The following RNF168 variants were observed in gnomAD, a reference collection of about 807,000 sequenced individuals.
RNF168 encodes E3 ubiquitin-protein ligase RNF168.
A neutral mutation model predicts 34.9 loss-of-function variants in RNF168; 34 were observed. The ratio of observed to expected loss-of-function variants is 0.97; its 90% confidence interval spans 0.74 to 1.30. The LOEUF (loss-of-function observed/expected upper bound fraction) is 1.30. Ranked by LOEUF, RNF168 falls within the 50% of genes most tolerant of loss-of-function variation. The pLI is 0.00. For missense variants in RNF168, 725 were observed against 682.5 expected (o/e 1.06, Z -0.69); for synonymous variants, 264 against 254.7 (o/e 1.04, Z -0.35).
At chr3:196,473,837 C>CA (rs11329031) in intron 5 of RNF168, among the ~76,000 whole-genome samples, 8 of 150,956 alleles carry the variant, frequency 5.3e-5, no homozygotes, top group Admixed American at 2.0e-4. Flanking sequence ...AACAAACAAG[C>CA]AAAAAAAAAA....
intron 4 of RNF168, among the ~76,000 whole-genome samples, chr3:196,476,315 CACG>C (rs1732148317): frequency 1.3e-5 from 2 of 152,046 alleles, no homozygotes; most frequent in Non-Finnish European, 2.9e-5. Flanking sequence ...GTTGGCTGTT[CACG>C]ACATTTTAAA....
chr3:196,469,317 T>C lies in RNF168; in HGVS notation c.*2502A>G, dbSNP rs1053416978. ...GTATAGTTGCAAGCTATACTTCATTTAACTACAATCATTACTCAGAGGACA... is the reference window on the plus strand; with the variant it reads ...GTATAGTTGCAAGCTATACTTCATTCAACTACAATCATTACTCAGAGGACA... On this transcript the variant is annotated 3_prime_UTR_variant, in exon 6 of 6. Transcript: ENST00000318037. 3.3e-5 allele frequency: 5 copies of C among 152,222 alleles called. No homozygotes were observed. Among genetic ancestry groups the C allele is most frequent in the Non-Finnish European group, 5.9e-5 (4 of 68,030 alleles). The allele number at this position is 152,222 out of a possible 1,614,324, so 9.4% of individuals were successfully genotyped here.
intron 4 of RNF168, among the ~76,000 whole-genome samples, chr3:196,476,406 AT>A (rs773908719): frequency 2.7e-5 from 4 of 150,320 alleles, no homozygotes; most frequent in Non-Finnish European, 4.4e-5. Context: ...ATACTTTTAT[AT>A]CAACTCTCTT....
chr3:196,487,507 C>A lies in RNF168; in HGVS notation c.450G>T (p.Leu150Phe). 1 of 1,614,108 alleles carries A rather than the reference C, an allele frequency of 6.2e-7. No homozygotes were observed. The change falls in exon 3 of 6, where the codon TTG (leucine) becomes TTT (phenylalanine). Residue 150 changes from leucine (L) to phenylalanine (F), a missense_variant. Physicochemically the swap from Leu to Phe is conservative, Grantham distance 22. Coordinates refer to ENST00000318037, the MANE Select transcript of RNF168 (RefSeq NM_152617.4). ...TTTTTTCCTCTTCTTCCTCCTCTGC[C>A]AACAACCTCTGTATGTATTCTTCAC... is the stretch of plus-strand genomic sequence containing the variant. ...KASEEYIQRLLAEEEEEEKRQ... is the reference protein window; with the variant it reads ...KASEEYIQRLFAEEEEEEKRQ...
intron 5 of RNF168, among the ~76,000 whole-genome samples, chr3:196,474,302 T>C (rs1732088442): frequency 6.7e-6 from 1 of 150,024 alleles, no homozygotes; most frequent in Admixed American, 6.7e-5. Flanking sequence ...TTTTTTTTTT[T>C]TTTTTGGTAT....
chr3:196,471,857 T>C lies in RNF168; in HGVS notation c.1678A>G (p.Lys560Glu). 1 of 1,614,060 alleles carries C rather than the reference T, an allele frequency of 6.2e-7. No homozygotes were observed. Among genetic ancestry groups the C allele is most frequent in the Non-Finnish European group, 8.5e-7 (1 of 1,179,896 alleles). The change falls in exon 6 of 6, where the codon AAA becomes GAA. Residue 560 changes from lysine (K) to glutamate (E), a missense_variant. Physicochemically the swap from Lys to Glu is moderately conservative, Grantham distance 56. Transcript: ENST00000318037. ...CTCTGAAACATCTGAAAAACACTTT[T>C]CTGTGAAATGCTAGGCTGTAGGGAG... ...AHSLQPSISQ[K>E]SVFQMFQRCT... is the part of the protein sequence containing the mutation.
rs34739638 is a variant in RNF168, at chr3:196,481,682, G to GTTT, written c.680+2085_680+2087dup. On this transcript the variant is annotated intron_variant, in intron 4 of 5. Coordinates refer to ENST00000318037, the MANE Select transcript of RNF168 (RefSeq NM_152617.4). The stretch of plus-strand genomic sequence containing the variant: ...TCTTTTTAAATACGTTTTCAGCTGC[G>GTTT]TTTTTTTTTTTTTTTTTTTTTTTTT... 1.6e-4 allele frequency among the ~76,000 whole-genome samples: 10 copies of GTTT among 62,392 alleles called. 2 individuals carry two copies. The highest frequency in any genetic ancestry group is 5.2e-4 in the Admixed American group (2 of 3,822). 40.9% of individuals were successfully genotyped at this position (62,392 alleles called of 152,430 possible).
At chr3:196,490,862 A>C (rs1360372512) in intron 1 of RNF168, among the ~76,000 whole-genome samples, 1 of 152,232 alleles carries the variant, frequency 6.6e-6, no homozygotes, top group Non-Finnish European at 1.5e-5. Flanking sequence ...TGGTATACAC[A>C]GGAGAGACAT....
At chr3:196,492,257 G>C (rs1732614220) in intron 1 of RNF168, among the ~76,000 whole-genome samples, 1 of 152,156 alleles carries the variant, frequency 6.6e-6, no homozygotes, top group Non-Finnish European at 1.5e-5. Flanking sequence ...CCAGCACTTT[G>C]GAAGGCTGAG....
intron 4 of RNF168, among the ~76,000 whole-genome samples, chr3:196,480,804 G>A (rs1288383004): frequency 6.6e-6 from 1 of 151,904 alleles, no homozygotes; most frequent in Non-Finnish European, 1.5e-5. Flanking sequence ...CATCATGCCT[G>A]GTTAATTTTT....
rs1732713258 is a variant in RNF168, at chr3:196,495,290, T to C, written c.302-6607A>G. On this transcript the variant is annotated intron_variant, in intron 1 of 5. Transcript: ENST00000318037. ...ATGCTGTCCTTATCTCTTGATTTGATATACAATGATCAAGTTCAAGAAAAT... is the reference window on the plus strand; with the variant it reads ...ATGCTGTCCTTATCTCTTGATTTGACATACAATGATCAAGTTCAAGAAAAT... Among the ~76,000 whole-genome samples, 3 of 152,170 alleles carry C rather than the reference T, an allele frequency of 2.0e-5. No individual in the cohort carries two copies. In the South Asian group the frequency reaches 6.2e-4, roughly 32 times the overall value.
At position 196,503,413 on chromosome 3, in the gene RNF168, C is replaced by T. The variant is rs1732954566; in HGVS notation, c.-240G>A. 3 of 550,184 alleles carry T rather than the reference C, an allele frequency of 5.5e-6. No individual in the cohort carries two copies. Among genetic ancestry groups the T allele is most frequent in the Non-Finnish European group, 6.5e-6 (2 of 305,682 alleles). 34.1% of individuals were successfully genotyped at this position (550,184 alleles called of 1,614,324 possible). On this transcript the variant is annotated 5_prime_UTR_variant, in exon 1 of 6. Coordinates refer to ENST00000318037, the MANE Select transcript of RNF168 (RefSeq NM_152617.4). Reference sequence around the variant, plus strand: ...TTGTCCATTTTCAAGGCAAACGTCCCGCCAGCAAATAAATGCAGGTTTTCG... The same window carrying T: ...TTGTCCATTTTCAAGGCAAACGTCCTGCCAGCAAATAAATGCAGGTTTTCG...
At chr3:196,497,366 G>A (rs1732767977) in intron 1 of RNF168, among the ~76,000 whole-genome samples, 1 of 152,008 alleles carries the variant, frequency 6.6e-6, no homozygotes. Flanking sequence ...ATGGATCAAA[G>A]ACCTAAACAT....
At chr3:196,502,823 T>C (rs1577526883) in intron 1 of RNF168, 50 bp downstream of exon 1, 2 of 1,516,632 alleles carry the variant, frequency 1.3e-6, no homozygotes, top group East Asian at 2.3e-5. Context: ...TGATTCACCT[T>C]TTCAAAGACT....
intron 3 of RNF168, 105 bp from the exon 4 acceptor site, chr3:196,483,996 T>C (rs1732357942): frequency 1.1e-6 from 1 of 871,360 alleles, no homozygotes; most frequent in Admixed American, 1.9e-5. Flanking sequence ...TTTCAGAAAT[T>C]ATAGTTATAT....
chr3:196,492,747 C>A (rs1429332684), intron 1 of RNF168, among the ~76,000 whole-genome samples: 1 of 151,990 alleles, frequency 6.6e-6, no homozygotes, highest in Non-Finnish European at 1.5e-5. Flanking sequence ...CATTGCACTC[C>A]AGCCTGGGTG....
intron 1 of RNF168, among the ~76,000 whole-genome samples, chr3:196,495,223 C>G (rs745917054): frequency 9.9e-5 from 15 of 152,048 alleles, no homozygotes; most frequent in Non-Finnish European, 2.2e-4. Context: ...GTTGCATGAT[C>G]ATAACCCTTC....
intron 3 of RNF168, 40 bp from the exon 4 acceptor site, chr3:196,483,931 G>A: frequency 6.7e-7 from 1 of 1,483,034 alleles, no homozygotes; most frequent in Non-Finnish European, 9.4e-7. Flanking sequence ...TTATGAGAGA[G>A]AACTTTATGA....
intron 1 of RNF168, among the ~76,000 whole-genome samples, chr3:196,496,804 G>T (rs1465765411): frequency 1.3e-5 from 2 of 152,166 alleles, no homozygotes; most frequent in East Asian, 3.9e-4. Flanking sequence ...AGCTGTTCAA[G>T]ACCAGCCTGG....
Sources: gnomAD v4.1 joint callset for allele counts (sites outside exome capture counted in the v4.1 genomes callset) on GRCh38, gnomAD v4.1.1 for gene constraint, MANE v1.5 for transcripts, NCBI Gene and HGNC (gene_info 2026-07-23, HGNC 2026-07-21) for gene names.